The following DNAH3 variants were observed in gnomAD, a reference collection of about 807,000 sequenced individuals.
The protein encoded by DNAH3 is dynein axonemal heavy chain 3.
In DNAH3, 332 loss-of-function variants were observed where a neutral mutation model predicts 432.5. The ratio of observed to expected loss-of-function variants is 0.77; its 90% confidence interval spans 0.70 to 0.84. The LOEUF is 0.84. Ranked by LOEUF, DNAH3 falls within the 40% of genes least tolerant of loss-of-function variation. DNAH3 has a pLI of 0.00. For missense variants in DNAH3, 4,861 were observed against 5,114.0 expected (o/e 0.95, Z 1.51); for synonymous variants, 1,956 against 1,900.2 (o/e 1.03, Z -0.76).
exon 47 of DNAH3, chr16:20,987,434 A>C: frequency 5.0e-6 from 8 of 1,614,006 alleles, no homozygotes; most frequent in Non-Finnish European, 5.9e-6. Context: ...AAAGCCGGAT[A>C]CATTTTTCTA....
At chr16:20,974,049 T>A (rs1324135753) in intron 51 of DNAH3, among the ~76,000 whole-genome samples, 2 of 152,100 alleles carry the variant, frequency 1.3e-5, no homozygotes, top group African/African-American at 4.8e-5. Flanking sequence ...TGAGACTGGG[T>A]CTTGCTCTGT....
chr16:21,145,054 A>G (rs2092765320), intron 3 of DNAH3, 127 bp downstream of exon 4: 1 of 792,026 alleles, frequency 1.3e-6, no homozygotes. Context: ...GGAGGTTGCA[A>G]TGAGCCACGA....
chr16:20,988,898 A>G (rs1039396228), intron 44 of DNAH3, among the ~76,000 whole-genome samples: 4 of 151,818 alleles, frequency 2.6e-5, no homozygotes, highest in African/African-American at 9.7e-5. Flanking sequence ...CTTCGCGGTG[A>G]GTGTTACAGC....
At chr16:20,946,128 C>T (rs1352809621) in intron 57 of DNAH3, among the ~76,000 whole-genome samples, 1 of 152,090 alleles carries the variant, frequency 6.6e-6, no homozygotes, top group Non-Finnish European at 1.5e-5. Context: ...CTCATTATGC[C>T]CCTCCAGCAT....
At chr16:21,134,069 AAAG>A (rs1312037718) in intron 7 of DNAH3, 187 bp downstream of exon 8, 1 of 549,650 alleles carries the variant, frequency 1.8e-6, no homozygotes, top group African/African-American at 1.9e-5. Flanking sequence ...CTGGGGACAC[AAAG>A]GAGGGCCACG....
chr16:21,111,708 G>A (rs766809974), exon 14 of DNAH3: 1 of 1,614,096 alleles, frequency 6.2e-7, no homozygotes, highest in Non-Finnish European at 8.5e-7. Context: ...CAGAGATCAT[G>A]ATTTAGGGCC....
intron 43 of DNAH3, among the ~76,000 whole-genome samples, chr16:20,997,948 A>G (rs1218952395): frequency 3.9e-5 from 6 of 151,972 alleles, no homozygotes; most frequent in Non-Finnish European, 8.8e-5. Flanking sequence ...CAGAGGTTGC[A>G]GTGAGCCAAG....
intron 31 of DNAH3, among the ~76,000 whole-genome samples, chr16:21,049,054 C>T (rs771519851): frequency 2.6e-4 from 39 of 151,516 alleles, no homozygotes; most frequent in African/African-American, 9.5e-4. Context: ...AATGCAGTGG[C>T]GGCATCAAAG....
chr16:20,941,875 T>C (rs1435251618), intron 58 of DNAH3, among the ~76,000 whole-genome samples: 3 of 152,070 alleles, frequency 2.0e-5, no homozygotes, highest in Non-Finnish European at 4.4e-5. Context: ...CTGGGAAACA[T>C]AGCGAAACCC....
chr16:20,997,592 CT>C, intron 43 of DNAH3, 130 bp from the exon 44 acceptor site: 1 of 1,065,924 alleles, frequency 9.4e-7, no homozygotes, highest in Non-Finnish European at 1.3e-6. Context: ...CCAGTTAGGG[CT>C]TAGTCAATGG....
At chr16:20,969,803 G>A in exon 52 of DNAH3, 1 of 1,614,146 alleles carries the variant, frequency 6.2e-7, no homozygotes, top group African/African-American at 1.3e-5. Flanking sequence ...GGAGCCACTG[G>A]GGTCTGGCTT....
intron 9 of DNAH3, among the ~76,000 whole-genome samples, chr16:21,122,552 CA>C (rs2092366430): frequency 6.6e-6 from 1 of 151,942 alleles, no homozygotes; most frequent in South Asian, 2.1e-4. Context: ...AACTCCATCT[CA>C]AAAAAATAAA....
At chr16:20,987,668 T>C (rs2086265691) in intron 46 of DNAH3, 25 bp downstream of exon 46, 2 of 1,610,220 alleles carry the variant, frequency 1.2e-6, no homozygotes, top group Admixed American at 3.3e-5. Flanking sequence ...TGAATGATCT[T>C]GGTAGTAAAA....
chr16:21,040,779 A>T (rs2089408943), intron 32 of DNAH3, among the ~76,000 whole-genome samples: 1 of 152,176 alleles, frequency 6.6e-6, no homozygotes. Flanking sequence ...CCCTCTTCAT[A>T]GAGTTATCAT....
intron 18 of DNAH3, among the ~76,000 whole-genome samples, chr16:21,090,342 C>T (rs73544574): frequency 0.071 from 10,679 of 149,702 alleles, 562 homozygotes; most frequent in East Asian, 0.18. Flanking sequence ...GTCAGTGATA[C>T]GCTGATACAA....
exon 62 of DNAH3, chr16:20,933,283 G>A (rs767032281): frequency 2.5e-6 from 4 of 1,614,166 alleles, no homozygotes; most frequent in Non-Finnish European, 3.4e-6. Context: ...TTCCTCTGCG[G>A]GCACTTGTTT....
intron 51 of DNAH3, among the ~76,000 whole-genome samples, chr16:20,973,646 T>C (rs2085445476): frequency 6.6e-6 from 1 of 152,308 alleles, no homozygotes; most frequent in African/African-American, 2.4e-5. Context: ...ATCACATCAG[T>C]GCTAATTGAA....
chr16:21,087,629 C>T (rs1362417197), intron 18 of DNAH3, among the ~76,000 whole-genome samples: 9 of 152,014 alleles, frequency 5.9e-5, no homozygotes, highest in East Asian at 1.9e-4. Context: ...TATTAACCAT[C>T]GGGGAAAGGT....
At chr16:21,116,964 G>C (rs1304437620) in intron 12 of DNAH3, among the ~76,000 whole-genome samples, 4 of 152,184 alleles carry the variant, frequency 2.6e-5, no homozygotes, top group Non-Finnish European at 5.9e-5. Flanking sequence ...AATGGAGGTG[G>C]ATCTGTAATT....
Sources: gnomAD v4.1 joint callset for allele counts (sites outside exome capture counted in the v4.1 genomes callset) on GRCh38, gnomAD v4.1.1 for gene constraint, MANE v1.5 for transcripts, NCBI Gene and HGNC (gene_info 2026-07-23, HGNC 2026-07-21) for gene names.